Variants in MSI2 observed in about 807,000 individuals in gnomAD.
MSI2 encodes the protein RNA-binding protein Musashi homolog 2.
In MSI2, 17 loss-of-function variants were observed where a neutral mutation model predicts 45.6. The ratio of observed to expected loss-of-function variants is 0.37; its 90% CI spans 0.26 to 0.56. The LOEUF (loss-of-function observed/expected upper bound fraction) is 0.56. Ranked by LOEUF, MSI2 falls within the 20% of genes least tolerant of loss-of-function variation. The probability of loss-of-function intolerance (pLI) is 0.77; values close to 1 mark genes in which losing one functional copy is unlikely to be tolerated. For synonymous variants in MSI2, 156 were observed against 158.2 expected (o/e 0.99, Z 0.11); for missense variants, 293 against 444.2 (o/e 0.66, Z 3.06).
chr17:57,699,792 G>A, the MSI2 span, among the ~76,000 whole-genome samples: 3 of 152,174 alleles, frequency 2.0e-5, no homozygotes, highest in African/African-American at 7.2e-5. Flanking sequence ...CACCCCCCAC[G>A]GAAGAGGGGA....
chr17:57,596,766 G>T lies in MSI2; in HGVS notation c.455-102G>T. ...GATCCGCCTACCTACCCCCAGACCA[G>T]GAGGCTGTCAAGACCTCAGGACGTC... On this transcript the variant is annotated intron_variant, in intron 7 of 13. Coordinates refer to ENST00000284073, the MANE Select transcript of MSI2 (RefSeq NM_138962.4). The surrounding 1 kb of genome is among the most constrained non-coding windows in gnomAD (Gnocchi z 4.6). 1 of 769,100 alleles carries T rather than the reference G, an allele frequency of 1.3e-6. No homozygotes were observed. Among genetic ancestry groups the T allele is most frequent in the Non-Finnish European group, 2.3e-6 (1 of 434,888 alleles). 47.6% of individuals were successfully genotyped at this position (769,100 alleles called of 1,614,324 possible).
intron 5 of MSI2, among the ~76,000 whole-genome samples, chr17:57,389,064 C>T (rs543626908): frequency 2.2e-4 from 33 of 151,280 alleles, no homozygotes; most frequent in African/African-American, 6.3e-4. Context: ...CTGCAACCTC[C>T]GCCTCCCAGA....
intron 5 of MSI2, among the ~76,000 whole-genome samples, chr17:57,298,747 G>A (rs959849735): frequency 7.2e-5 from 11 of 152,148 alleles, no homozygotes; most frequent in African/African-American, 2.2e-4. Context: ...ATTCTTAAGG[G>A]CCCTAGGAAT....
At chr17:57,338,407 G>A (rs1914860970) in intron 5 of MSI2, among the ~76,000 whole-genome samples, 1 of 152,166 alleles carries the variant, frequency 6.6e-6, no homozygotes, top group African/African-American at 2.4e-5. Context: ...TTTATTTTTT[G>A]AGACAGTCTT....
intron 5 of MSI2, among the ~76,000 whole-genome samples, chr17:57,305,293 T>A (rs1911784375): frequency 6.6e-6 from 1 of 152,098 alleles, no homozygotes; most frequent in African/African-American, 2.4e-5. Flanking sequence ...AGCTAGGGTC[T>A]TGGGGAAAGT....
intron 5 of MSI2, among the ~76,000 whole-genome samples, chr17:57,287,137 T>G (rs74807199): frequency 0.096 from 14,550 of 151,718 alleles, 962 homozygotes; most frequent in Non-Finnish European, 0.14. Flanking sequence ...AGTTGTTTTT[T>G]TTTTTTTTTA....
At chr17:57,688,750 A>C (rs1913930488), downstream of MSI2, among the ~76,000 whole-genome samples, 1 of 152,154 alleles carries the variant, frequency 6.6e-6, no homozygotes, top group Admixed American at 6.5e-5. Context: ...GGTACACTCT[A>C]GGTTGTTTAC....
intron 8 of MSI2, among the ~76,000 whole-genome samples, chr17:57,614,167 T>C (rs4793878): frequency 0.62 from 94,583 of 151,956 alleles, 29,583 homozygotes; most frequent in Non-Finnish European, 0.63. Context: ...TCTTCTGCCT[T>C]AGCCTCCCAA....
chr17:57,545,657 C>T (rs1288759554), intron 7 of MSI2, among the ~76,000 whole-genome samples: 1 of 152,170 alleles, frequency 6.6e-6, no homozygotes, highest in Non-Finnish European at 1.5e-5. Context: ...TTAATGAACT[C>T]TTGTCTTTAA....
intron 7 of MSI2, among the ~76,000 whole-genome samples, chr17:57,556,266 C>T (rs2087433414): frequency 1.3e-5 from 2 of 152,244 alleles, no homozygotes; most frequent in Middle Eastern, 3.4e-3. Flanking sequence ...CTGGCTTGCT[C>T]GCTTTTCCCC....
chr17:57,256,931 A>T (rs1426318602), intron 1 of MSI2, 127 bp downstream of exon 1: 3 of 424,948 alleles, frequency 7.1e-6, no homozygotes, highest in Non-Finnish European at 1.0e-5. Flanking sequence ...CCCCCCGTGG[A>T]AGTTACACAC....
intron 5 of MSI2, among the ~76,000 whole-genome samples, chr17:57,318,497 G>T (rs1913051603): frequency 1.3e-5 from 2 of 152,100 alleles, no homozygotes; most frequent in Non-Finnish European, 2.9e-5. Context: ...AGAGAGTGTG[G>T]CCACCATATC....
At chr17:57,340,457 C>T (rs754445645) in intron 5 of MSI2, among the ~76,000 whole-genome samples, 13 of 152,208 alleles carry the variant, frequency 8.5e-5, no homozygotes, top group Non-Finnish European at 1.3e-4. Flanking sequence ...AGCTCTGGCA[C>T]TAACAAATAT....
intron 10 of MSI2, among the ~76,000 whole-genome samples, chr17:57,637,235 G>T (rs966907394): frequency 1.3e-5 from 2 of 152,228 alleles, no homozygotes; most frequent in African/African-American, 4.8e-5. Flanking sequence ...AGGAAAGCAT[G>T]TCTGCTGCTT....
chr17:57,296,999 T>C (rs1313558541), intron 5 of MSI2, among the ~76,000 whole-genome samples: 4 of 152,212 alleles, frequency 2.6e-5, no homozygotes, highest in Admixed American at 2.6e-4. Flanking sequence ...CTCAGCCTCC[T>C]GGGTAGCTGG....
intron 5 of MSI2, among the ~76,000 whole-genome samples, chr17:57,313,737 T>C (rs563521691): frequency 4.6e-5 from 7 of 152,274 alleles, no homozygotes; most frequent in Admixed American, 4.6e-4. Context: ...ACGCCTTCTG[T>C]GTGTACCGTA....
At chr17:57,318,265 G>T (rs1441929718) in intron 5 of MSI2, among the ~76,000 whole-genome samples, 1 of 152,146 alleles carries the variant, frequency 6.6e-6, no homozygotes, top group African/African-American at 2.4e-5. Flanking sequence ...TAGAGGTGAG[G>T]TGGGAGACCC....
At chr17:57,671,001 G>A (rs1912735164) in intron 11 of MSI2, among the ~76,000 whole-genome samples, 1 of 152,204 alleles carries the variant, frequency 6.6e-6, no homozygotes, top group Middle Eastern at 3.4e-3. Context: ...GAGCAGAGCT[G>A]GGGTCACAGT....
At chr17:57,258,621 C>T (rs1196440384) in intron 4 of MSI2, among the ~76,000 whole-genome samples, 1 of 152,166 alleles carries the variant, frequency 6.6e-6, no homozygotes, top group East Asian at 1.9e-4. Flanking sequence ...GCCTTCCCGG[C>T]CTGGGGACTG....
Sources: gnomAD v4.1 joint callset for allele counts (sites outside exome capture counted in the v4.1 genomes callset) on GRCh38, gnomAD v4.1.1 for gene constraint, Gnocchi (gnomAD v3.1) non-coding constraint, MANE v1.5 for transcripts, NCBI Gene and HGNC (gene_info 2026-07-23, HGNC 2026-07-21) for gene names.